The following CPNE8 variants were observed in gnomAD, a reference collection of about 807,000 sequenced individuals.
CPNE8 encodes the protein copine 8.
In CPNE8, 45 loss-of-function variants were observed where a neutral mutation model predicts 81.5. The observed-to-expected ratio is 0.55, with a 90% CI of 0.44 to 0.71. The LOEUF (loss-of-function observed/expected upper bound fraction) is 0.71. CPNE8 is among the 30% of genes least tolerant of loss of function. The probability of loss-of-function intolerance (pLI) is 0.00; values close to 1 mark genes in which losing one functional copy is unlikely to be tolerated. For missense variants in CPNE8, 594 were observed against 672.1 expected, an observed-to-expected ratio of 0.88 and a Z score of 1.28; for synonymous variants, 252 against 226.3, an observed-to-expected ratio of 1.11 and a Z score of -1.02.
intron 11 of CPNE8, among the ~76,000 whole-genome samples, chr12:38,729,247 G>A (rs1389399692): frequency 2.0e-5 from 3 of 151,966 alleles, no homozygotes; most frequent in African/African-American, 7.2e-5. Context: ...TTTATTTCCT[G>A]TTTAGAACCT....
chr12:38,857,887 A>G (rs1295903196), intron 3 of CPNE8, among the ~76,000 whole-genome samples: 1 of 152,152 alleles, frequency 6.6e-6, no homozygotes, highest in Non-Finnish European at 1.5e-5. Flanking sequence ...CAAGAGCAAG[A>G]CTCTGTCTAA....
intron 3 of CPNE8, among the ~76,000 whole-genome samples, chr12:38,852,142 T>TG (rs757535272): frequency 6.6e-5 from 10 of 152,080 alleles, no homozygotes; most frequent in Non-Finnish European, 1.5e-4. Context: ...TAAATGTTTA[T>TG]GTAGGCTGGG....
chr12:38,852,457 C>A (rs1250834854), intron 3 of CPNE8, among the ~76,000 whole-genome samples: 2 of 146,318 alleles, frequency 1.4e-5, no homozygotes, highest in African/African-American at 5.3e-5. Context: ...AAAAAATTAG[C>A]CAGGCGTGGT....
intron 4 of CPNE8, 148 bp downstream of exon 4, chr12:38,848,411 G>C (rs762828286): frequency 4.4e-4 from 562 of 1,284,206 alleles, no homozygotes; most frequent in Non-Finnish European, 5.4e-4. Flanking sequence ...AAAGCAGGGG[G>C]CTTGCTTGGG....
intron 4 of CPNE8, among the ~76,000 whole-genome samples, chr12:38,846,361 C>T (rs1943560656): frequency 6.6e-6 from 1 of 152,076 alleles, no homozygotes; most frequent in Non-Finnish European, 1.5e-5. Flanking sequence ...GTCCAAAAAA[C>T]TAAGAGAAGG....
chr12:38,896,715 T>C (rs1201008516), intron 1 of CPNE8, among the ~76,000 whole-genome samples: 2 of 152,104 alleles, frequency 1.3e-5, no homozygotes, highest in East Asian at 1.9e-4. Flanking sequence ...AGTGTGCATT[T>C]ACAAATCCAC....
rs770984926 is a variant in CPNE8 at position 38,717,429 on chromosome 12, G to GTGTATATATATATATATA, written c.914+6342_914+6343insTATATATATATATATACA. ...AACAAGTAAACAAAGAAAGTGTGGT[G>GTGTATATATATATATATA]TATATATATATATATATATATATAT... On this transcript the variant is annotated intron_variant, in intron 13 of 19. Transcript: ENST00000331366. Among the ~76,000 whole-genome samples the GTGTATATATATATATATA allele has an allele frequency of 3.1e-3, 269 of 86,986 alleles. 12 individuals are homozygous for GTGTATATATATATATATA. Among genetic ancestry groups the GTGTATATATATATATATA allele is most frequent in the East Asian group, 0.015 (32 of 2,190 alleles). 57.1% of individuals were successfully genotyped at this position (86,986 alleles called of 152,430 possible).
At chr12:38,859,080 T>C (rs943508638) in intron 3 of CPNE8, among the ~76,000 whole-genome samples, 2 of 152,020 alleles carry the variant, frequency 1.3e-5, no homozygotes, top group Admixed American at 6.6e-5. Context: ...ATCGACATAG[T>C]ATGAAAATCC....
chr12:38,749,932 G>T (rs1941315531), intron 10 of CPNE8, among the ~76,000 whole-genome samples: 1 of 152,102 alleles, frequency 6.6e-6, no homozygotes, highest in Admixed American at 6.6e-5. Flanking sequence ...AAGACAATGG[G>T]GAAAATGTTT....
intron 3 of CPNE8, among the ~76,000 whole-genome samples, chr12:38,870,949 A>G (rs1214406964): frequency 6.6e-6 from 1 of 152,122 alleles, no homozygotes; most frequent in Non-Finnish European, 1.5e-5. Context: ...CATAAGGATT[A>G]TAATATAACC....
chr12:38,871,697 G>T (rs2137103296), intron 3 of CPNE8, among the ~76,000 whole-genome samples: 1 of 152,294 alleles, frequency 6.6e-6, no homozygotes, highest in Non-Finnish European at 1.5e-5. Flanking sequence ...GAAGATACGG[G>T]AGAGAAACTC....
intron 5 of CPNE8, among the ~76,000 whole-genome samples, chr12:38,831,366 G>A (rs1943282767): frequency 6.6e-6 from 1 of 152,110 alleles, no homozygotes; most frequent in African/African-American, 2.4e-5. Flanking sequence ...GATTACTCAA[G>A]TGCCTATTTG....
intron 2 of CPNE8, among the ~76,000 whole-genome samples, 154 bp from the exon 3 acceptor site, chr12:38,873,204 C>A (rs1228134907): frequency 2.0e-5 from 3 of 151,362 alleles, no homozygotes; most frequent in Admixed American, 6.6e-5. Context: ...GCTAGTAAAT[C>A]ATCATATGAC....
chr12:38,839,842 T>G (rs1943440364), intron 5 of CPNE8, 74 bp downstream of exon 5: 1 of 1,299,116 alleles, frequency 7.7e-7, no homozygotes, highest in Non-Finnish European at 1.0e-6. Flanking sequence ...ATGTATAACT[T>G]TAATATTAAT....
chr12:38,869,647 A>G (rs1943962451), intron 3 of CPNE8, among the ~76,000 whole-genome samples: 1 of 152,130 alleles, frequency 6.6e-6, no homozygotes, highest in Non-Finnish European at 1.5e-5. Flanking sequence ...CTTCCTTTCT[A>G]TTCTTCCAGA....
intron 10 of CPNE8, among the ~76,000 whole-genome samples, chr12:38,732,613 C>T (rs1940856266): frequency 6.6e-6 from 1 of 151,864 alleles, no homozygotes; most frequent in Non-Finnish European, 1.5e-5. Context: ...AAGCTTTCTC[C>T]TCTGCATTAG....
intron 15 of CPNE8, among the ~76,000 whole-genome samples, chr12:38,693,269 T>C (rs1186276569): frequency 6.6e-6 from 1 of 152,182 alleles, no homozygotes; most frequent in Non-Finnish European, 1.5e-5. Context: ...TCAAGTCACC[T>C]AAGCTGAGAC....
rs756484138 is a variant in CPNE8, at chr12:38,676,169, CAG to C, written c.1375-397_1375-396del. On this transcript the variant is annotated intron_variant, in intron 17 of 19. Coordinates refer to ENST00000331366, the MANE Select transcript of CPNE8 (RefSeq NM_153634.3). ...ATAATAATTAAGAAGCAAATATAACCAGAGTTTTATTTAATATTTTTTCACAG... is the reference window on the plus strand; with the variant it reads ...ATAATAATTAAGAAGCAAATATAACCAGTTTTATTTAATATTTTTTCACAG... The C allele has an allele frequency of 2.0e-5, 11 of 537,532 alleles. No homozygotes were observed. The South Asian group carries it at 7.4e-4, about 36-fold the overall frequency. The allele number at this position is 537,532 out of a possible 1,614,324, so 33.3% of individuals were successfully genotyped here.
chr12:38,687,321 G>T (rs1241296857), intron 15 of CPNE8, among the ~76,000 whole-genome samples: 1 of 150,064 alleles, frequency 6.7e-6, no homozygotes, highest in Non-Finnish European at 1.5e-5. Context: ...TAACTCCAGA[G>T]CTCAATTTCT....
Sources: allele counts gnomAD v4.1 joint callset (sites outside exome capture counted in the v4.1 genomes callset), GRCh38; gene constraint gnomAD v4.1.1; transcripts MANE v1.5; gene names NCBI Gene and HGNC (gene_info 2026-07-23, HGNC 2026-07-21).